The following TTC21B variants were observed in gnomAD, a reference collection of about 807,000 sequenced individuals.
TTC21B encodes the protein tetratricopeptide repeat protein 21B.
A neutral mutation model predicts 175.1 loss-of-function variants in TTC21B; 127 were observed. The observed-to-expected ratio is 0.73, with a 90% CI of 0.63 to 0.84. The LOEUF (loss-of-function observed/expected upper bound fraction) is 0.84. Ranked by LOEUF, TTC21B falls within the 40% of genes least tolerant of loss-of-function variation. The probability of loss-of-function intolerance (pLI) is 0.00; values close to 1 mark genes in which losing one functional copy is unlikely to be tolerated. For missense variants in TTC21B, 1,561 were observed against 1,558.3 expected, an observed-to-expected ratio of 1.00 and a Z score of -0.03; for synonymous variants, 524 against 524.5, an observed-to-expected ratio of 1.00 and a Z score of 0.01.
intron 21 of TTC21B, 74 bp from the exon 22 acceptor site, chr2:165,898,841 G>T: frequency 1.1e-6 from 1 of 942,808 alleles, no homozygotes; most frequent in Non-Finnish European, 1.7e-6. Context: ...TCAAGATTTA[G>T]CACTAGAAAA....
chr2:165,944,961 C>G (rs1180475741), intron 4 of TTC21B, among the ~76,000 whole-genome samples: 2 of 152,144 alleles, frequency 1.3e-5, no homozygotes, highest in Non-Finnish European at 2.9e-5. Flanking sequence ...AGCGTGTGAT[C>G]TCTCCTTAAT....
In TTC21B at chr2:165,901,849, G is replaced by A; in HGVS notation, c.2630C>T (p.Pro877Leu). ...TTCAGCTGCTAAATGTTTCTGTGCA[G>A]GAACTGCATCTGGCTGTTCCATCTG... ...RVQMEQPDAV[P>L]AQKHLAAEIC... The change falls in exon 20 of 29, where the codon CCT (proline) becomes CTT (leucine). Residue 877 changes from proline to leucine, a missense_variant. Physicochemically the swap from Pro to Leu is moderately conservative, Grantham distance 98 (BLOSUM62 -3). Coordinates refer to ENST00000243344, the MANE Select transcript of TTC21B (RefSeq NM_024753.5). 6.2e-7 allele frequency: 1 copy of A among 1,613,972 alleles called. No homozygotes were observed. The highest frequency in any genetic ancestry group is 2.2e-5 in the East Asian group (1 of 44,858).
chr2:165,952,571 C>G (rs910930746), intron 1 of TTC21B, among the ~76,000 whole-genome samples: 6 of 152,050 alleles, frequency 3.9e-5, no homozygotes, highest in African/African-American at 1.5e-4. Flanking sequence ...AATGAGGAGG[C>G]CCATTTTTAC....
At chr2:165,923,119 C>G (rs1686478376) in intron 12 of TTC21B, among the ~76,000 whole-genome samples, 1 of 152,026 alleles carries the variant, frequency 6.6e-6, no homozygotes, top group African/African-American at 2.4e-5. Context: ...GGATAGAAAG[C>G]TTCATATTGG....
In TTC21B at chr2:165,917,379, G is replaced by A; in HGVS notation, c.1777C>T (p.Pro593Ser). The change falls in exon 14 of 29, where the codon CCA becomes TCA. Residue 593 changes from proline (P) to serine (S), a missense_variant. Physicochemically the swap from Pro to Ser is moderately conservative, Grantham distance 74. Coordinates refer to ENST00000243344, the MANE Select transcript of TTC21B (RefSeq NM_024753.5). Reference protein sequence around the residue: ...IKTLHMAMSLPGMKRIGASTK... With the variant: ...IKTLHMAMSLSGMKRIGASTK... ...GAAGCTCCAATTCTTTTCATTCCTG[G>A]TAAACTCATTGCCATATGCAGTGTT... The A allele has an allele frequency of 6.2e-7, 1 of 1,614,008 alleles. No homozygotes were observed. The highest frequency in any genetic ancestry group is 8.5e-7 in the Non-Finnish European group (1 of 1,179,998).
In TTC21B at chr2:165,880,587, T is replaced by C; in HGVS notation, c.3805+92A>G. On this transcript the variant is annotated intron_variant, in intron 27 of 28. Coordinates refer to ENST00000243344, the MANE Select transcript of TTC21B (RefSeq NM_024753.5). ...CAATGAAAATTGACTCAATGTTTAT[T>C]TTGTTTTGAAAAAAATCAAATGCAT... 4 of 1,396,642 alleles carry C rather than the reference T, an allele frequency of 2.9e-6. No homozygotes were observed. The Admixed American group carries it at 6.9e-5, about 24-fold the overall frequency. 86.5% of individuals were successfully genotyped at this position (1,396,642 alleles called of 1,614,324 possible). A position where few individuals can be genotyped will look rare whatever the true frequency, so the allele number is the denominator to read the frequency against.
intron 18 of TTC21B, among the ~76,000 whole-genome samples, chr2:165,910,867 T>C (rs990389662): frequency 1.3e-5 from 2 of 152,116 alleles, no homozygotes; most frequent in Non-Finnish European, 1.5e-5. Flanking sequence ...ATTACACTTA[T>C]ATATACACAC....
rs1687183985 is a variant in TTC21B at position 165,937,264 on chromosome 2, G to A, written c.710+3763C>T. Among the ~76,000 whole-genome samples, 3 of 152,106 alleles carry A rather than the reference G, an allele frequency of 2.0e-5. No individual in the cohort carries two copies. In the East Asian group the frequency reaches 5.8e-4, roughly 29 times the overall value. ...AACTATAAAGGCAGTAAAAAGAGCAGTGGTTGCAAGGAGTTGGGGAGATGG... is the reference window on the plus strand; with the variant it reads ...AACTATAAAGGCAGTAAAAAGAGCAATGGTTGCAAGGAGTTGGGGAGATGG... On this transcript the variant is annotated intron_variant, in intron 6 of 28. Transcript: ENST00000243344.
intron 12 of TTC21B, 94 bp from the exon 13 acceptor site, chr2:165,919,527 G>T: frequency 1.5e-6 from 2 of 1,376,072 alleles, no homozygotes; most frequent in Non-Finnish European, 2.0e-6. Flanking sequence ...TTTACGGATA[G>T]CCCTAGTGTT....
At chr2:165,917,769 A>G (rs937801586) in intron 13 of TTC21B, among the ~76,000 whole-genome samples, 1 of 152,218 alleles carries the variant, frequency 6.6e-6, no homozygotes, top group Non-Finnish European at 1.5e-5. Flanking sequence ...TAGCAAATAC[A>G]TTCTAAGAGA....
At chr2:165,915,521 G>T in intron 14 of TTC21B, 82 bp from the exon 15 acceptor site, 1 of 1,072,826 alleles carries the variant, frequency 9.3e-7, no homozygotes, top group Non-Finnish European at 1.4e-6. Context: ...TCATAACGCA[G>T]AATGAATAAA....
intron 15 of TTC21B, 142 bp downstream of exon 15, chr2:165,915,059 G>A: frequency 5.6e-6 from 4 of 712,094 alleles, no homozygotes; most frequent in East Asian, 5.1e-5. Context: ...ATTGCAGTTG[G>A]TGGTAGAAGG....
At chr2:165,922,556 A>G (rs1050188348) in intron 12 of TTC21B, among the ~76,000 whole-genome samples, 2 of 127,596 alleles carry the variant, frequency 1.6e-5, no homozygotes, top group Non-Finnish European at 3.3e-5. Flanking sequence ...AATAGCCACT[A>G]TTAAAAAGTC....
At chr2:165,911,558 A>G (rs1685935009) in intron 17 of TTC21B, 93 bp from the exon 18 acceptor site, 1 of 1,428,260 alleles carries the variant, frequency 7.0e-7, no homozygotes, top group East Asian at 2.3e-5. Context: ...AAGCATTGGT[A>G]TAACTAGAAA....
At chr2:165,895,612 G>A (rs562180861) in intron 22 of TTC21B, among the ~76,000 whole-genome samples, 39 of 152,192 alleles carry the variant, frequency 2.6e-4, no homozygotes, top group African/African-American at 9.2e-4. Flanking sequence ...TAGAGAAGAG[G>A]AATAAGAGAA....
At chr2:165,879,899 T>A (rs566703667) in intron 27 of TTC21B, 1 of 152,322 alleles carries the variant, frequency 6.6e-6, no homozygotes, top group Admixed American at 6.5e-5. Flanking sequence ...AATGGACAAG[T>A]AACTGCAGAT....
At chr2:165,943,877 A>G (rs748909250) in intron 4 of TTC21B, among the ~76,000 whole-genome samples, 3 of 152,126 alleles carry the variant, frequency 2.0e-5, no homozygotes, top group Non-Finnish European at 4.4e-5. Context: ...ACTCATGGAT[A>G]TTTATCTTTA....
At chr2:165,904,741 C>T (rs1685674422) in intron 19 of TTC21B, among the ~76,000 whole-genome samples, 1 of 152,186 alleles carries the variant, frequency 6.6e-6, no homozygotes, top group Non-Finnish European at 1.5e-5. Context: ...TTGCTTCCAA[C>T]ATATCACAGG....
chr2:165,944,883 C>T (rs1687495287), intron 4 of TTC21B, among the ~76,000 whole-genome samples: 2 of 152,094 alleles, frequency 1.3e-5, no homozygotes, highest in African/African-American at 4.8e-5. Flanking sequence ...AAATTGTATC[C>T]ATCTTTCAGG....
Sources: allele counts gnomAD v4.1 joint callset (sites outside exome capture counted in the v4.1 genomes callset), GRCh38; gene constraint gnomAD v4.1.1; transcripts MANE v1.5; gene names NCBI Gene and HGNC (gene_info 2026-07-23, HGNC 2026-07-21).